Variants in PKDCC observed in about 807,000 individuals in gnomAD.
The protein encoded by PKDCC is extracellular tyrosine-protein kinase PKDCC.
In PKDCC, 35 loss-of-function variants were observed where a neutral mutation model predicts 44.7. The observed-to-expected ratio is 0.78, with a 90% CI of 0.60 to 1.04. PKDCC has a LOEUF of 1.04. Ranked by LOEUF, PKDCC falls within the 50% of genes least tolerant of loss-of-function variation. The pLI is 0.00. For synonymous variants in PKDCC, 353 were observed against 303.3 expected (o/e 1.16, Z -1.70); for missense variants, 738 against 672.7 (o/e 1.10, Z -1.07).
Position 42,054,564 on chromosome 2 carries a change from G to A in PKDCC, c.1034+257G>A. On this transcript the variant is annotated intron_variant, in intron 3 of 6. Coordinates refer to ENST00000294964, the MANE Select transcript of PKDCC (RefSeq NM_138370.3). The surrounding 1 kb of genome is among the most constrained non-coding windows in gnomAD (Gnocchi z 6.1). ...AAAATAGTGTTGGACTCGGAGCCTAGGGCTGGTGGAACTGGCACTTTTCCC... is the reference window on the plus strand; with the variant it reads ...AAAATAGTGTTGGACTCGGAGCCTAAGGCTGGTGGAACTGGCACTTTTCCC... The A allele has an allele frequency of 1.8e-6, 1 of 562,396 alleles. No individual in the cohort carries two copies. Among genetic ancestry groups the A allele is most frequent in the East Asian group, 3.0e-5 (1 of 33,562 alleles). 34.8% of individuals were successfully genotyped at this position (562,396 alleles called of 1,614,324 possible).
Position 42,055,188 on chromosome 2 carries a change from C to A in PKDCC, c.1115-98C>A. The A allele has an allele frequency of 2.3e-6, 3 of 1,324,106 alleles. No individual in the cohort carries two copies. Among genetic ancestry groups the A allele is most frequent in the Non-Finnish European group, 3.2e-6 (3 of 944,072 alleles). The allele number at this position is 1,324,106 out of a possible 1,614,324, so 82.0% of individuals were successfully genotyped here. A position where few individuals can be genotyped will look rare whatever the true frequency, so the allele number is the denominator to read the frequency against. On this transcript the variant is annotated intron_variant, in intron 4 of 6. Transcript: ENST00000294964. This position sits in a 1 kb window ranked among gnomAD's most constrained non-coding sequence, Gnocchi z 4.5. ...CTCCCCCGCCCTCTGTTCACTGGGGCACAGGCTCTGGAGGCAGAGGTGGGA... is the reference window on the plus strand; with the variant it reads ...CTCCCCCGCCCTCTGTTCACTGGGGAACAGGCTCTGGAGGCAGAGGTGGGA...
In PKDCC at chr2:42,055,064, C is replaced by T. The variant is rs1226713367; in HGVS notation, c.1114+44C>T. ...ATCTGCTTCCAGGCACCTACCCCAC[C>T]CCCACCCGCCAGCAAAAGTGGGGAG... is the stretch of plus-strand genomic sequence containing the variant. On this transcript the variant is annotated intron_variant, in intron 4 of 6. Coordinates refer to ENST00000294964, the MANE Select transcript of PKDCC (RefSeq NM_138370.3). This position sits in a 1 kb window ranked among gnomAD's most constrained non-coding sequence, Gnocchi z 4.5. 4.5e-6 allele frequency: 7 copies of T among 1,562,178 alleles called. No homozygotes were observed. Among genetic ancestry groups the T allele is most frequent in the African/African-American group, 1.4e-5 (1 of 73,900 alleles).
At chr2:42,056,072 GC>G (rs987221820) in intron 5 of PKDCC, among the ~76,000 whole-genome samples, 1 of 152,140 alleles carries the variant, frequency 6.6e-6, no homozygotes, top group Non-Finnish European at 1.5e-5. Context: ...AGCCCTGTTA[GC>G]CCTGTAAATA....
At chr2:42,053,854 A>C (rs1310067155) in intron 2 of PKDCC, among the ~76,000 whole-genome samples, 182 bp from the exon 3 acceptor site, 1 of 152,160 alleles carries the variant, frequency 6.6e-6, no homozygotes, top group East Asian at 1.9e-4. Context: ...GAGTTAATAG[A>C]AAATCACTGG....
chr2:42,048,784 G>T lies in PKDCC; in HGVS notation c.585G>T (p.Lys195Asn). 1 of 1,503,124 alleles carries T rather than the reference G, an allele frequency of 6.7e-7. No homozygotes were observed. The highest frequency in any genetic ancestry group is 8.9e-7 in the Non-Finnish European group (1 of 1,118,496). The allele number at this position is 1,503,124 out of a possible 1,614,324, so 93.1% of individuals were successfully genotyped here. A position where few individuals can be genotyped will look rare whatever the true frequency, so the allele number is the denominator to read the frequency against. ...GCTGCTATCGGCTGGCGGCCCACAA[G>T]CTGCTTAAGGAGATGGTGCTGCTGG... ...RRGCYRLAAH[K>N]LLKEMVLLER... Residue 195 changes from lysine to asparagine, a missense_variant, in exon 1 of 7, where the codon AAG becomes AAT. Lys to Asn is a moderately conservative substitution (Grantham distance 94). Coordinates refer to ENST00000294964, the MANE Select transcript of PKDCC (RefSeq NM_138370.3). The surrounding 1 kb of genome is among the most constrained non-coding windows in gnomAD (Gnocchi z 6.2).
chr2:42,058,307 T>G lies in PKDCC; in HGVS notation c.*619T>G, dbSNP rs899792346. On this transcript the variant is annotated 3_prime_UTR_variant, in exon 7 of 7. Transcript: ENST00000294964. The surrounding 1 kb of genome is among the most constrained non-coding windows in gnomAD (Gnocchi z 4.2). Reference sequence around the variant, plus strand: ...GCCAAGACTGGGGTCAGGGAGCAGGTGTGGTTTGAGCCAGGACCTGGGGCG... The same window carrying G: ...GCCAAGACTGGGGTCAGGGAGCAGGGGTGGTTTGAGCCAGGACCTGGGGCG... 6.6e-6 allele frequency: 1 copy of G among 152,010 alleles called. No individual in the cohort carries two copies. Among genetic ancestry groups the G allele is most frequent in the Non-Finnish European group, 1.5e-5 (1 of 67,866 alleles). 9.4% of individuals were successfully genotyped at this position (152,010 alleles called of 1,614,324 possible).
At position 42,052,303 on chromosome 2, in the gene PKDCC, A is replaced by G. The variant is rs1572760755; in HGVS notation, c.640-936A>G. 6.6e-6 allele frequency among the ~76,000 whole-genome samples: 1 copy of G among 152,108 alleles called. No homozygotes were observed. The highest frequency in any genetic ancestry group is 6.5e-5 in the Admixed American group (1 of 15,276). ...TCAACACTTGTTACCAGTCTAAGGG[A>G]ACTTGCTTTTCCTCCCTCAAGACCC... is the stretch of plus-strand genomic sequence containing the variant. On this transcript the variant is annotated intron_variant, in intron 1 of 6. Coordinates refer to ENST00000294964, the MANE Select transcript of PKDCC (RefSeq NM_138370.3). The surrounding 1 kb of genome is among the most constrained non-coding windows in gnomAD (Gnocchi z 4.3).
rs1327432075 is a variant in PKDCC, at chr2:42,058,253, CA to C, written c.*566del. ...GACACTCCCAGGCCAGCCCAGGGGTCAGGGGCAGAGGTGCACACCTCAGCAT... is the reference window on the plus strand; with the variant it reads ...GACACTCCCAGGCCAGCCCAGGGGTCGGGGCAGAGGTGCACACCTCAGCAT... On this transcript the variant is annotated 3_prime_UTR_variant, in exon 7 of 7. Coordinates refer to ENST00000294964, the MANE Select transcript of PKDCC (RefSeq NM_138370.3). This position sits in a 1 kb window ranked among gnomAD's most constrained non-coding sequence, Gnocchi z 4.2. 2 of 153,412 alleles carry C rather than the reference CA, an allele frequency of 1.3e-5. No homozygotes were observed. The highest frequency in any genetic ancestry group is 6.5e-5 in the Admixed American group (1 of 15,392). The allele number at this position is 153,412 out of a possible 1,614,324, so 9.5% of individuals were successfully genotyped here.
rs780721550 is a variant in PKDCC, at chr2:42,055,039, A to T, written c.1114+19A>T. The stretch of plus-strand genomic sequence containing the variant: ...GCCACAGGTGAGCTCTCCAGGGCCC[A>T]TCTGCTTCCAGGCACCTACCCCACC... On this transcript the variant is annotated intron_variant, in intron 4 of 6. Transcript: ENST00000294964. This position sits in a 1 kb window ranked among gnomAD's most constrained non-coding sequence, Gnocchi z 4.5. The T allele has an allele frequency of 6.2e-7, 1 of 1,609,386 alleles. No homozygotes were observed. Among genetic ancestry groups the T allele is most frequent in the African/African-American group, 1.3e-5 (1 of 74,776 alleles).
In PKDCC at chr2:42,055,296, CT is replaced by C; in HGVS notation, c.1126del (p.Trp376GlyfsTer114). On this transcript the variant is annotated frameshift_variant, in exon 5 of 7. Coordinates refer to ENST00000294964, the MANE Select transcript of PKDCC (RefSeq NM_138370.3). LOFTEE classifies it high-confidence loss of function. This position sits in a 1 kb window ranked among gnomAD's most constrained non-coding sequence, Gnocchi z 4.5. ...CACTGCACTCTGCAGGAGAGCTCGC[CT>C]GGGGGGTGGACGAGACCCTGGCCCA... ...SIVNATGELA[W>X]GVDETLAQLE... is the part of the protein sequence containing the mutation. The C allele has an allele frequency of 6.2e-7, 1 of 1,613,070 alleles. No individual in the cohort carries two copies. Among genetic ancestry groups the C allele is most frequent in the Admixed American group, 1.7e-5 (1 of 59,970 alleles).
Position 42,052,209 on chromosome 2 carries a change from C to A in PKDCC, c.640-1030C>A, listed in dbSNP as rs6730389. Among the ~76,000 whole-genome samples, 44,043 of 151,876 alleles carry A rather than the reference C, an allele frequency of 0.29. 6,894 individuals carry two copies. The highest frequency in any genetic ancestry group is 0.39 in the African/African-American group (15,951 of 41,350). Reference sequence around the variant, plus strand: ...CAGGAGGAATCATCACTCACTACCACCCCCACTGATACACATCACTCATAT... The same window carrying A: ...CAGGAGGAATCATCACTCACTACCAACCCCACTGATACACATCACTCATAT... On this transcript the variant is annotated intron_variant, in intron 1 of 6. Transcript: ENST00000294964. This position sits in a 1 kb window ranked among gnomAD's most constrained non-coding sequence, Gnocchi z 4.3.
rs1558432795 is a variant in PKDCC at position 42,055,025 on chromosome 2, G to C, written c.1114+5G>C. ...ACAGCATCGTCAACGCCACAGGTGA[G>C]CTCTCCAGGGCCCATCTGCTTCCAG... On this transcript the variant is annotated splice_donor_5th_base_variant and intron_variant, in intron 4 of 6. Coordinates refer to ENST00000294964, the MANE Select transcript of PKDCC (RefSeq NM_138370.3). The surrounding 1 kb of genome is among the most constrained non-coding windows in gnomAD (Gnocchi z 4.5). 5.6e-6 allele frequency: 9 copies of C among 1,612,852 alleles called. No individual in the cohort carries two copies. Among genetic ancestry groups the C allele is most frequent in the Non-Finnish European group, 7.6e-6 (9 of 1,178,898 alleles).
rs1667911403 is a variant in PKDCC, at chr2:42,048,539, G to A, written c.340G>A (p.Gly114Ser). The change falls in exon 1 of 7, where the codon GGC becomes AGC. Residue 114 changes from glycine (G) to serine (S), a missense_variant. By Grantham distance (56) the Gly-to-Ser change is moderately conservative (BLOSUM62 0). Transcript: ENST00000294964. The surrounding 1 kb of genome is among the most constrained non-coding windows in gnomAD (Gnocchi z 6.2). ...WARPLSDGAPGWPPAPGPGSP... is the reference protein window; with the variant it reads ...WARPLSDGAPSWPPAPGPGSP... Reference sequence around the variant, plus strand: ...CCGGCCCCTGTCCGACGGCGCCCCAGGCTGGCCCCCGGCTCCCGGCCCAGG... The same window carrying A: ...CCGGCCCCTGTCCGACGGCGCCCCAAGCTGGCCCCCGGCTCCCGGCCCAGG... 13 of 1,251,798 alleles carry A rather than the reference G, an allele frequency of 1.0e-5. No individual in the cohort carries two copies. Among genetic ancestry groups the A allele is most frequent in the Admixed American group, 4.4e-5 (1 of 22,980 alleles). 77.5% of individuals were successfully genotyped at this position (1,251,798 alleles called of 1,614,324 possible). A position where few individuals can be genotyped will look rare whatever the true frequency, so the allele number is the denominator to read the frequency against.
chr2:42,053,352 T>C lies in PKDCC; in HGVS notation c.753T>C (p.Asp251=). ...MIQLLQTSWE[D]RFRICLSLGR... ...AGCTGCTGCAAACTTCCTGGGAGGA[T>C]CGATTCCGAGTGAGCTCAGAGGAGG... Residue 251 remains aspartate (D), a synonymous_variant, in exon 2 of 7, where the codon GAT becomes GAC. Coordinates refer to ENST00000294964, the MANE Select transcript of PKDCC (RefSeq NM_138370.3). 6.2e-7 allele frequency: 1 copy of C among 1,612,188 alleles called. No individual in the cohort carries two copies. Among genetic ancestry groups the C allele is most frequent in the Non-Finnish European group, 8.5e-7 (1 of 1,178,980 alleles).
At chr2:42,056,146 A>G (rs980783404) in intron 5 of PKDCC, among the ~76,000 whole-genome samples, 3 of 152,106 alleles carry the variant, frequency 2.0e-5, no homozygotes, top group African/African-American at 7.2e-5. Context: ...GGGGCTGTAA[A>G]TCACAGTCAG....
chr2:42,057,909 A>C lies in PKDCC; in HGVS notation c.*221A>C. On this transcript the variant is annotated 3_prime_UTR_variant, in exon 7 of 7. Transcript: ENST00000294964. Reference sequence around the variant, plus strand: ...CTATGGGACTGCTGGCTCCTAGTCCAGGAATCATGGGGGTATGACTGCCTC... The same window carrying C: ...CTATGGGACTGCTGGCTCCTAGTCCCGGAATCATGGGGGTATGACTGCCTC... The C allele has an allele frequency of 3.5e-6, 2 of 567,944 alleles. No homozygotes were observed. The allele number at this position is 567,944 out of a possible 1,614,324, so 35.2% of individuals were successfully genotyped here.
rs1055314081 is a variant in PKDCC at position 42,057,094 on chromosome 2, G to A, written c.1223-127G>A. On this transcript the variant is annotated intron_variant, in intron 5 of 6. Coordinates refer to ENST00000294964, the MANE Select transcript of PKDCC (RefSeq NM_138370.3). ...AGCTGCCTTCATCTGCGTGCTAGAG[G>A]GCTGGGCTGGACTTCAGCTTTCACC... 1.5e-5 allele frequency: 16 copies of A among 1,061,388 alleles called. No individual in the cohort carries two copies. In the East Asian group the frequency reaches 3.8e-4, roughly 26 times the overall value. 65.7% of individuals were successfully genotyped at this position (1,061,388 alleles called of 1,614,324 possible).
chr2:42,056,375 C>T (rs1374490553), intron 5 of PKDCC, among the ~76,000 whole-genome samples: 1 of 152,144 alleles, frequency 6.6e-6, no homozygotes, highest in Non-Finnish European at 1.5e-5. Flanking sequence ...TCCCTCCAGC[C>T]CCCTCCCCAC....
rs371936847 is a variant in PKDCC at position 42,054,170 on chromosome 2, A to C, written c.897A>C (p.Ala299=). The C allele has an allele frequency of 1.2e-6, 2 of 1,612,426 alleles. No homozygotes were observed. Among genetic ancestry groups the C allele is most frequent in the East Asian group, 4.5e-5 (2 of 44,850 alleles). Residue 299 remains alanine (A), a synonymous_variant, in exon 3 of 7, where the codon GCA becomes GCC. Coordinates refer to ENST00000294964, the MANE Select transcript of PKDCC (RefSeq NM_138370.3). The surrounding 1 kb of genome is among the most constrained non-coding windows in gnomAD (Gnocchi z 6.1). The part of the protein sequence containing the change: ...GELKVTDLDD[A]RVEETPCAGS... Reference sequence around the variant, plus strand: ...TCAAAGTGACGGACCTGGATGACGCACGTGTGGAGGAGACGCCGTGTGCAG... The same window carrying C: ...TCAAAGTGACGGACCTGGATGACGCCCGTGTGGAGGAGACGCCGTGTGCAG...
Sources: gnomAD v4.1 joint callset for allele counts (sites outside exome capture counted in the v4.1 genomes callset) on GRCh38, gnomAD v4.1.1 for gene constraint, Gnocchi (gnomAD v3.1) non-coding constraint, MANE v1.5 for transcripts, NCBI Gene and HGNC (gene_info 2026-07-23, HGNC 2026-07-21) for gene names.